The following GPC5 variants were observed in gnomAD, a reference collection of about 807,000 sequenced individuals.
GPC5 encodes glypican-5.
GPC5 carries 47 observed loss-of-function variants against 53.9 expected under a neutral mutation model. The observed-to-expected ratio is 0.87, with a 90% CI of 0.69 to 1.11. The LOEUF is 1.11. Among genes scored for constraint, GPC5 ranks in the 50% most tolerant of loss-of-function variants. GPC5 has a pLI of 0.00. For missense variants in GPC5, 748 were observed against 713.1 expected (o/e 1.05, Z -0.56); for synonymous variants, 286 against 263.3 (o/e 1.09, Z -0.84).
chr13:92,751,917 C>G (rs373213519), intron 7 of GPC5, among the ~76,000 whole-genome samples: 1 of 152,036 alleles, frequency 6.6e-6, no homozygotes, highest in Non-Finnish European at 1.5e-5. Flanking sequence ...GTTTCACTTG[C>G]GCTGGATCTA....
chr13:92,502,126 A>G (rs1164074498), intron 7 of GPC5, among the ~76,000 whole-genome samples: 2 of 152,072 alleles, frequency 1.3e-5, no homozygotes, highest in Non-Finnish European at 2.9e-5. Context: ...ATGCTAAAAT[A>G]CCAATTCTGA....
At chr13:91,684,321 C>G (rs2035574284) in intron 2 of GPC5, among the ~76,000 whole-genome samples, 1 of 152,144 alleles carries the variant, frequency 6.6e-6, no homozygotes, top group Non-Finnish European at 1.5e-5. Flanking sequence ...ATTATTTTAT[C>G]TAATTGTATA....
intron 7 of GPC5, among the ~76,000 whole-genome samples, chr13:92,820,619 T>C (rs1877642114): frequency 1.3e-5 from 2 of 152,162 alleles, no homozygotes; most frequent in African/African-American, 4.8e-5. Flanking sequence ...CCCTCTCCCT[T>C]GTCCCACTTC....
intron 6 of GPC5, among the ~76,000 whole-genome samples, chr13:91,931,347 T>G (rs185691634): frequency 6.6e-6 from 1 of 152,184 alleles, no homozygotes; most frequent in Admixed American, 6.6e-5. Context: ...CTATTGAAGA[T>G]AGTATGATCT....
intron 2 of GPC5, among the ~76,000 whole-genome samples, chr13:91,556,208 C>A (rs2030939031): frequency 6.6e-6 from 1 of 151,842 alleles, no homozygotes; most frequent in Admixed American, 6.6e-5. Context: ...AAAAAAAACT[C>A]AGCATAATTC....
chr13:91,470,807 C>T (rs1310773360), intron 2 of GPC5, among the ~76,000 whole-genome samples: 1 of 152,100 alleles, frequency 6.6e-6, no homozygotes, highest in Non-Finnish European at 1.5e-5. Flanking sequence ...CGAGTCTTTC[C>T]AGTTGGACTA....
intron 7 of GPC5, among the ~76,000 whole-genome samples, chr13:92,464,144 T>G (rs1878599560): frequency 6.6e-6 from 1 of 152,154 alleles, no homozygotes; most frequent in African/African-American, 2.4e-5. Flanking sequence ...AATTTATCAC[T>G]CAGATCTGAC....
chr13:91,810,491 A>T (rs1346018000), intron 5 of GPC5, among the ~76,000 whole-genome samples: 1 of 151,950 alleles, frequency 6.6e-6, no homozygotes, highest in African/African-American at 2.4e-5. Flanking sequence ...GTATAAGAGA[A>T]CTCTCTCTTT....
chr13:92,026,348 T>C (rs1024117492), intron 6 of GPC5, among the ~76,000 whole-genome samples: 8 of 151,974 alleles, frequency 5.3e-5, no homozygotes, highest in African/African-American at 1.9e-4. Context: ...CTGACTATTT[T>C]TTTAAAGTAA....
At chr13:91,919,021 T>A (rs1461398102) in intron 6 of GPC5, among the ~76,000 whole-genome samples, 1 of 152,222 alleles carries the variant, frequency 6.6e-6, no homozygotes, top group African/African-American at 2.4e-5. Context: ...AAAATCAACA[T>A]GGCCAGAACA....
intron 7 of GPC5, among the ~76,000 whole-genome samples, chr13:92,681,156 C>T (rs1004540785): frequency 6.6e-6 from 1 of 151,426 alleles, no homozygotes; most frequent in Admixed American, 6.6e-5. Flanking sequence ...TCGACATGGC[C>T]TTCAGTAAGC....
intron 7 of GPC5, among the ~76,000 whole-genome samples, chr13:92,636,480 C>T (rs888652403): frequency 5.3e-5 from 8 of 152,102 alleles, no homozygotes; most frequent in African/African-American, 1.9e-4. Context: ...AATATAACTG[C>T]CTTTAGCAGT....
intron 7 of GPC5, among the ~76,000 whole-genome samples, chr13:92,731,252 A>G (rs1177395028): frequency 2.0e-5 from 3 of 151,552 alleles, no homozygotes; most frequent in Non-Finnish European, 4.4e-5. Context: ...ATCATGGAAA[A>G]ATACTTCAAT....
intron 3 of GPC5, among the ~76,000 whole-genome samples, chr13:91,714,363 A>T (rs557934378): frequency 2.0e-4 from 30 of 152,338 alleles, no homozygotes; most frequent in African/African-American, 7.2e-4. Context: ...ATACATTAGG[A>T]TACAATCACA....
At chr13:92,840,500 C>A (rs1438925983) in intron 7 of GPC5, among the ~76,000 whole-genome samples, 1 of 152,020 alleles carries the variant, frequency 6.6e-6, no homozygotes, top group South Asian at 2.1e-4. Flanking sequence ...GTTTAGATTA[C>A]TGTAACTTTG....
chr13:91,771,077 A>G (rs2037615845), intron 5 of GPC5, among the ~76,000 whole-genome samples: 1 of 152,164 alleles, frequency 6.6e-6, no homozygotes, highest in Non-Finnish European at 1.5e-5. Flanking sequence ...TTTTCTCACA[A>G]AAGGTCACCC....
intron 6 of GPC5, among the ~76,000 whole-genome samples, chr13:92,091,031 G>C (rs574111109): frequency 3.3e-5 from 5 of 152,274 alleles, no homozygotes; most frequent in African/African-American, 1.2e-4. Context: ...ACGAGGGACT[G>C]AATCTGCTGG....
intron 2 of GPC5, among the ~76,000 whole-genome samples, chr13:91,504,972 A>G (rs1426800184): frequency 6.6e-6 from 1 of 152,148 alleles, no homozygotes; most frequent in African/African-American, 2.4e-5. Context: ...CAAACAAGCA[A>G]ACAACCAAAC....
chr13:92,124,504 T>A (rs186112463), intron 6 of GPC5, among the ~76,000 whole-genome samples: 45 of 152,054 alleles, frequency 3.0e-4, no homozygotes, highest in Non-Finnish European at 6.2e-4. Context: ...CAGGTGACAA[T>A]GAGAAGTAAA....
Sources: gnomAD v4.1 joint callset for allele counts (sites outside exome capture counted in the v4.1 genomes callset) on GRCh38, gnomAD v4.1.1 for gene constraint, MANE v1.5 for transcripts, NCBI Gene and HGNC (gene_info 2026-07-23, HGNC 2026-07-21) for gene names.